Variants in C13orf46 observed in about 807,000 individuals in gnomAD.
The protein encoded by C13orf46 is uncharacterized protein C13orf46.
At chr13:113,940,038 G>C in the C13orf46 span, among the ~76,000 whole-genome samples, 1 of 152,216 alleles carries the variant, frequency 6.6e-6, no homozygotes, top group African/African-American at 2.4e-5. Context: ...CCGTGATCAG[G>C]GGAGGCATTC....
At chr13:113,951,081 T>C (rs2052486753), downstream of C13orf46, among the ~76,000 whole-genome samples, 1 of 152,228 alleles carries the variant, frequency 6.6e-6, no homozygotes, top group African/African-American at 2.4e-5. Context: ...GGCTGAGGCC[T>C]GTGGGGCCCT....
chr13:113,966,493 ATGG>A (rs1241429010), intron 5 of C13orf46, among the ~76,000 whole-genome samples: 18 of 150,826 alleles, frequency 1.2e-4, no homozygotes, highest in Admixed American at 4.0e-4. Context: ...GATGATGGTG[ATGG>A]TGATTATAAT....
chr13:113,938,680 G>T, the C13orf46 span, among the ~76,000 whole-genome samples: 1 of 152,194 alleles, frequency 6.6e-6, no homozygotes, highest in East Asian at 1.9e-4. Context: ...TTTGGGAGGG[G>T]CCCTTGCTGT....
chr13:113,955,646 AGTGT>A lies in C13orf46; in HGVS notation c.*1123_*1126del. On this transcript the variant is annotated 3_prime_UTR_variant, in exon 7 of 7. Transcript: ENST00000636427. ...GTAGTGTCTGGCGGAGACGAGGAGTAGTGTCTGGCAGAGACAAGGAGTAGTGTCT... is the reference window on the plus strand; with the variant it reads ...GTAGTGTCTGGCGGAGACGAGGAGTACTGGCAGAGACAAGGAGTAGTGTCT... 2.2e-5 allele frequency: 1 copy of A among 45,828 alleles called. No homozygotes were observed. Among genetic ancestry groups the A allele is most frequent in the South Asian group, 4.4e-4 (1 of 2,296 alleles). The allele number at this position is 45,828 out of a possible 1,614,324, so 2.8% of individuals were successfully genotyped here.
At chr13:113,952,686 T>C (rs957721387), downstream of C13orf46, among the ~76,000 whole-genome samples, 1,556 of 152,272 alleles carry the variant, frequency 0.01, 16 homozygotes, top group African/African-American at 0.032. Context: ...AAGGGCAGCG[T>C]CCTTCTAGGG....
At position 113,955,134 on chromosome 13, in the gene C13orf46, A is replaced by G; in HGVS notation, c.*1639T>C. The G allele has an allele frequency of 4.3e-6, 1 of 233,794 alleles. No homozygotes were observed. Among genetic ancestry groups the G allele is most frequent in the South Asian group, 4.5e-5 (1 of 22,312 alleles). The allele number at this position is 233,794 out of a possible 1,614,324, so 14.5% of individuals were successfully genotyped here. A position where few individuals can be genotyped will look rare whatever the true frequency, so the allele number is the denominator to read the frequency against. On this transcript the variant is annotated 3_prime_UTR_variant, in exon 7 of 7. Coordinates refer to ENST00000636427, the MANE Select transcript of C13orf46 (RefSeq NM_001365455.2). ...GGAGCAGCAGCTGGTGGAGACGAGG[A>G]GCATCCGGTGGAGATGAGGAGCATC...
intron 1 of C13orf46, among the ~76,000 whole-genome samples, chr13:113,971,687 C>T (rs552971935): frequency 3.9e-5 from 6 of 152,312 alleles, no homozygotes; most frequent in Admixed American, 1.3e-4. Context: ...GTGAAGTGGA[C>T]GCGGCGTCTC....
At chr13:113,946,366 C>A in the C13orf46 span, among the ~76,000 whole-genome samples, 1 of 152,204 alleles carries the variant, frequency 6.6e-6, no homozygotes, top group African/African-American at 2.4e-5. Flanking sequence ...TCGGGGGGAC[C>A]AGTCCCCCTC....
At chr13:113,957,300 C>T (rs1418936530) in intron 6 of C13orf46, among the ~76,000 whole-genome samples, 1 of 136,120 alleles carries the variant, frequency 7.3e-6, no homozygotes, top group East Asian at 2.4e-4. Context: ...GTCTCCCCTG[C>T]ACTCTGCACC....
intron 1 of C13orf46, among the ~76,000 whole-genome samples, chr13:113,972,232 G>A (rs764570053): frequency 3.3e-5 from 5 of 152,218 alleles, no homozygotes; most frequent in African/African-American, 4.8e-5. Flanking sequence ...CAGCCTTGGC[G>A]TAACTTATTC....
At position 113,954,765 on chromosome 13, in the gene C13orf46, G is replaced by T; in HGVS notation, c.*2008C>A. On this transcript the variant is annotated 3_prime_UTR_variant, in exon 7 of 7. Transcript: ENST00000636427. The stretch of plus-strand genomic sequence containing the variant: ...TGAGCAAGAGGCCAGGGCAGGAAGG[G>T]GCTGGAGTCCTCCAGCTGGTGGAGA... The T allele has an allele frequency of 5.0e-6, 1 of 199,756 alleles. No homozygotes were observed. The allele number at this position is 199,756 out of a possible 1,614,324, so 12.4% of individuals were successfully genotyped here.
downstream of C13orf46, among the ~76,000 whole-genome samples, chr13:113,949,345 T>C (rs1413180403): frequency 6.6e-6 from 1 of 152,174 alleles, no homozygotes; most frequent in Non-Finnish European, 1.5e-5. Flanking sequence ...TCTGCAGTTG[T>C]CAGGAGTGAG....
At chr13:113,935,965 G>C in the C13orf46 span, among the ~76,000 whole-genome samples, 2 of 152,222 alleles carry the variant, frequency 1.3e-5, no homozygotes, top group Non-Finnish European at 2.9e-5. Flanking sequence ...TTAAAATCTA[G>C]AGTTGTTTAG....
intron 1 of C13orf46, among the ~76,000 whole-genome samples, chr13:113,973,001 T>A (rs545564205): frequency 1.3e-5 from 2 of 152,298 alleles, no homozygotes; most frequent in Non-Finnish European, 2.9e-5. Context: ...ACTTCCACCC[T>A]TAGCGTTCCG....
Position 113,955,730 on chromosome 13 carries a change from C to T in C13orf46, c.*1043G>A, listed in dbSNP as rs878932703. On this transcript the variant is annotated 3_prime_UTR_variant, in exon 7 of 7. Coordinates refer to ENST00000636427, the MANE Select transcript of C13orf46 (RefSeq NM_001365455.2). ...GAGGAGGAGTAGTGTCTGGCAGAGA[C>T]GAGGAGTAGTGTCTGGCAGAGAGGA... The T allele has an allele frequency of 2.5e-4, 19 of 76,000 alleles. No individual in the cohort carries two copies. The South Asian group carries it at 4.2e-3, about 17-fold the overall frequency. The allele number at this position is 76,000 out of a possible 1,614,324, so 4.7% of individuals were successfully genotyped here.
the C13orf46 span, chr13:113,927,333 G>A: frequency 2.6e-5 from 10 of 389,968 alleles, no homozygotes; most frequent in African/African-American, 1.9e-4. Flanking sequence ...CACCAGGCCT[G>A]TGAGGCAGCC....
chr13:113,971,472 G>A (rs1389306933), intron 1 of C13orf46, among the ~76,000 whole-genome samples: 1 of 152,230 alleles, frequency 6.6e-6, no homozygotes, highest in African/African-American at 2.4e-5. Flanking sequence ...GAATCAACAG[G>A]CGTCCAGGGT....
At chr13:113,929,207 C>T in the C13orf46 span, among the ~76,000 whole-genome samples, 1 of 152,264 alleles carries the variant, frequency 6.6e-6, no homozygotes, top group African/African-American at 2.4e-5. Context: ...GCCTACTCTC[C>T]CTGAGCTGAT....
chr13:113,951,093 A>G (rs1021439206), downstream of C13orf46, among the ~76,000 whole-genome samples: 5 of 152,214 alleles, frequency 3.3e-5, no homozygotes, highest in Non-Finnish European at 7.3e-5. Context: ...TGGGGCCCTC[A>G]TGGGCGTGTG....
Sources: allele counts gnomAD v4.1 joint callset (sites outside exome capture counted in the v4.1 genomes callset), GRCh38; gene constraint gnomAD v4.1.1; transcripts MANE v1.5; gene names NCBI Gene and HGNC (gene_info 2026-07-23, HGNC 2026-07-21).